CCDC112: variants seen among roughly 807,000 people sequenced by gnomAD.
CCDC112 encodes coiled-coil domain-containing protein 112.
Under a neutral mutation model 66.3 loss-of-function variants are expected in CCDC112, and 40 were observed. The ratio of observed to expected loss-of-function variants is 0.60; its 90% CI spans 0.47 to 0.79. The LOEUF (loss-of-function observed/expected upper bound fraction) is 0.79, where lower values mean the gene tolerates loss of function less well. CCDC112 is among the 30% of genes least tolerant of loss of function. The pLI, the probability that CCDC112 is intolerant of heterozygous loss-of-function variation, is 0.00. For missense variants in CCDC112, 659 were observed against 603.8 expected, an observed-to-expected ratio of 1.09 and a Z score of -0.96; for synonymous variants, 214 against 197.2, an observed-to-expected ratio of 1.09 and a Z score of -0.71.
chr5:115,272,213 G>A (rs1749035155), intron 6 of CCDC112, among the ~76,000 whole-genome samples: 4 of 152,080 alleles, frequency 2.6e-5, no homozygotes, highest in African/African-American at 7.2e-5. Flanking sequence ...GTGAGCCACC[G>A]TGCCAGGCCT....
intron 1 of CCDC112, among the ~76,000 whole-genome samples, chr5:115,292,491 G>A (rs1453584189): frequency 6.6e-6 from 1 of 152,162 alleles, no homozygotes; most frequent in Non-Finnish European, 1.5e-5. Flanking sequence ...CCAATAGCCA[G>A]TATTCCTCAG....
At chr5:115,274,887 C>G (rs1206146984) in intron 6 of CCDC112, among the ~76,000 whole-genome samples, 1 of 152,172 alleles carries the variant, frequency 6.6e-6, no homozygotes, top group Non-Finnish European at 1.5e-5. Flanking sequence ...ACCACAGGTG[C>G]GTGGCACCAT....
At chr5:115,288,267 C>T (rs1749768953) in intron 1 of CCDC112, among the ~76,000 whole-genome samples, 1 of 152,224 alleles carries the variant, frequency 6.6e-6, no homozygotes, top group South Asian at 2.1e-4. Flanking sequence ...AGGTGTTAGC[C>T]ACCGCACCCA....
intron 2 of CCDC112, among the ~76,000 whole-genome samples, chr5:115,281,055 G>A (rs541296293): frequency 6.9e-6 from 1 of 145,856 alleles, no homozygotes; most frequent in South Asian, 2.2e-4. Context: ...ACAGACTCTC[G>A]CTCTGTCACC....
chr5:115,282,728 G>A (rs555398521), intron 2 of CCDC112, among the ~76,000 whole-genome samples: 1 of 152,260 alleles, frequency 6.6e-6, no homozygotes, highest in African/African-American at 2.4e-5. Context: ...TGAGTGGAAA[G>A]GAACTGGGTG....
At chr5:115,288,670 G>C (rs1749790194) in intron 1 of CCDC112, among the ~76,000 whole-genome samples, 1 of 152,168 alleles carries the variant, frequency 6.6e-6, no homozygotes, top group Admixed American at 6.5e-5. Flanking sequence ...AGTACACTTA[G>C]TATTAGAAGA....
Position 115,269,016 on chromosome 5 carries a change from A to G in CCDC112, c.1429-16T>C. ...TGTTTTCAACCTGTAATCAGAAGTA[A>G]AATAGTACCAGTTAATTATACAAAC... is the stretch of plus-strand genomic sequence containing the variant. On this transcript the variant is annotated splice_polypyrimidine_tract_variant and intron_variant, in intron 8 of 9. Coordinates refer to ENST00000379611, the MANE Select transcript of CCDC112 (RefSeq NM_001040440.3). 7.0e-7 allele frequency: 1 copy of G among 1,422,066 alleles called. No individual in the cohort carries two copies. The highest frequency in any genetic ancestry group is 1.8e-4 in the Middle Eastern group (1 of 5,658). 88.1% of individuals were successfully genotyped at this position (1,422,066 alleles called of 1,614,324 possible).
chr5:115,279,870 T>C (rs1214139389), intron 2 of CCDC112, 102 bp from the exon 3 acceptor site: 1 of 671,756 alleles, frequency 1.5e-6, no homozygotes, highest in Non-Finnish European at 2.4e-6. Context: ...TTTGGATTAA[T>C]TCATCTATGG....
intron 1 of CCDC112, among the ~76,000 whole-genome samples, chr5:115,293,620 A>G (rs1750027849): frequency 6.6e-6 from 1 of 152,050 alleles, no homozygotes. Context: ...TCCTTCCATC[A>G]TCACATCTCC....
intron 1 of CCDC112, among the ~76,000 whole-genome samples, chr5:115,292,787 T>C (rs1219615009): frequency 6.6e-6 from 1 of 152,224 alleles, no homozygotes; most frequent in Non-Finnish European, 1.5e-5. Context: ...TGAACCACTA[T>C]GTGTCCTAGC....
intron 2 of CCDC112, among the ~76,000 whole-genome samples, chr5:115,281,376 G>C (rs1368824513): frequency 6.6e-6 from 1 of 152,190 alleles, no homozygotes; most frequent in Non-Finnish European, 1.5e-5. Flanking sequence ...AGACAGATGA[G>C]ACTGCCCCAG....
At chr5:115,275,970 T>C in intron 5 of CCDC112, 24 bp downstream of exon 5, 1 of 1,481,060 alleles carries the variant, frequency 6.8e-7, no homozygotes, top group Non-Finnish European at 9.3e-7. Context: ...AATAATTTTA[T>C]ATTAAAATGA....
At chr5:115,287,582 C>T (rs551283460) in intron 1 of CCDC112, among the ~76,000 whole-genome samples, 63 of 151,950 alleles carry the variant, frequency 4.1e-4, no homozygotes, top group Admixed American at 3.0e-3. Context: ...AAGAGATGCA[C>T]GGCAACCAAT....
intron 1 of CCDC112, among the ~76,000 whole-genome samples, chr5:115,288,200 C>T (rs1195976197): frequency 1.3e-5 from 2 of 152,158 alleles, no homozygotes; most frequent in Non-Finnish European, 2.9e-5. Context: ...AGGCTGGTCT[C>T]GAACTCCTGA....
chr5:115,277,570 C>T (rs941324543), intron 3 of CCDC112, among the ~76,000 whole-genome samples: 5 of 152,160 alleles, frequency 3.3e-5, no homozygotes, highest in Non-Finnish European at 7.3e-5. Context: ...ATTGTTATCA[C>T]TGGCACGGCC....
Position 115,271,427 on chromosome 5 carries a change from C to T in CCDC112, c.1118G>A (p.Cys373Tyr). 1.2e-6 allele frequency: 2 copies of T among 1,610,064 alleles called. No individual in the cohort carries two copies. Among genetic ancestry groups the T allele is most frequent in the Non-Finnish European group, 1.7e-6 (2 of 1,179,202 alleles). Residue 373 changes from cysteine (C) to tyrosine (Y), a missense_variant, in exon 7 of 10, where the codon TGT becomes TAT. Coordinates refer to ENST00000379611, the MANE Select transcript of CCDC112 (RefSeq NM_001040440.3). ...KQKSIEMSMKCASQLKEEEEK... is the reference protein window; with the variant it reads ...KQKSIEMSMKYASQLKEEEEK... ...TTCTTCTTCTTTTAACTGGGAAGCA[C>T]ATTTCATTGACATTTCTATACTTTT...
intron 2 of CCDC112, among the ~76,000 whole-genome samples, chr5:115,280,076 A>G (rs990904270): frequency 1.3e-5 from 2 of 152,178 alleles, no homozygotes; most frequent in Admixed American, 6.5e-5. Context: ...TTCCAACTCA[A>G]TCTCACTGGA....
At chr5:115,275,091 CG>C in intron 6 of CCDC112, 124 bp downstream of exon 6, 1 of 735,960 alleles carries the variant, frequency 1.4e-6, no homozygotes, top group East Asian at 2.7e-5. Flanking sequence ...ATTAGATTGT[CG>C]GGGGCGGGGA....
rs749576463 is a variant in CCDC112, at chr5:115,296,446, G to T, written c.98C>A (p.Ala33Glu). 5 of 1,564,746 alleles carry T rather than the reference G, an allele frequency of 3.2e-6. No individual in the cohort carries two copies. Among genetic ancestry groups the T allele is most frequent in the East Asian group, 5.0e-5 (2 of 39,660 alleles). ...ATTTACCTGTTGAGGCGCTGGCGTC[G>T]CTCCCACGCCGGTCCCGGTGGCCGC... ...AGAATGTGVG[A>E]TPAPQQSDGC... Residue 33 changes from alanine to glutamate, a missense_variant, in exon 1 of 10, where the codon GCG becomes GAG. Transcript: ENST00000379611.
Sources: gnomAD v4.1 joint callset for allele counts (sites outside exome capture counted in the v4.1 genomes callset) on GRCh38, gnomAD v4.1.1 for gene constraint, MANE v1.5 for transcripts, NCBI Gene and HGNC (gene_info 2026-07-23, HGNC 2026-07-21) for gene names.